The following CSMD1 variants were observed in gnomAD, a reference collection of about 807,000 sequenced individuals.
CSMD1 encodes CUB and Sushi multiple domains 1.
In CSMD1, 213 loss-of-function variants were observed where a neutral mutation model predicts 417.5. The observed-to-expected ratio is 0.51, with a 90% CI of 0.46 to 0.57. The LOEUF (loss-of-function observed/expected upper bound fraction) is 0.57, where lower values mean the gene tolerates loss of function less well. Ranked by LOEUF, CSMD1 falls within the 20% of genes least tolerant of loss-of-function variation. CSMD1 has a pLI of 0.00. For synonymous variants in CSMD1, 2,862 were observed against 1,736.8 expected (o/e 1.65, Z -16.11); for missense variants, 6,923 against 4,529.7 (o/e 1.53, Z -15.17).
intron 5 of CSMD1, among the ~76,000 whole-genome samples, chr8:3,972,107 G>C (rs1008405982): frequency 1.3e-5 from 2 of 152,142 alleles, no homozygotes; most frequent in South Asian, 2.1e-4. Context: ...CTGGGCTCAA[G>C]AGATCCTCCT....
At chr8:3,125,743 G>T (rs1373734981) in intron 41 of CSMD1, among the ~76,000 whole-genome samples, 1 of 152,188 alleles carries the variant, frequency 6.6e-6, no homozygotes, top group Non-Finnish European at 1.5e-5. Flanking sequence ...TTGGGAGGCC[G>T]AGGTGGGCAG....
chr8:4,369,340 T>C (rs773085980), intron 3 of CSMD1, among the ~76,000 whole-genome samples: 1 of 152,172 alleles, frequency 6.6e-6, no homozygotes, highest in African/African-American at 2.4e-5. Context: ...TTAAATTTAT[T>C]GAGACTTGCT....
At chr8:4,082,530 G>T (rs1038400132) in intron 3 of CSMD1, among the ~76,000 whole-genome samples, 4 of 152,084 alleles carry the variant, frequency 2.6e-5, no homozygotes, top group Middle Eastern at 3.4e-3. Context: ...AAAACTAAAA[G>T]GAAACACACA....
At chr8:4,372,748 A>G (rs1802471453) in intron 3 of CSMD1, among the ~76,000 whole-genome samples, 2 of 54,850 alleles carry the variant, frequency 3.6e-5, no homozygotes, top group Non-Finnish European at 3.3e-5. Context: ...AGGCAAAAGA[A>G]AAAAAAAAAG....
intron 10 of CSMD1, among the ~76,000 whole-genome samples, chr8:3,531,273 A>T (rs1368171441): frequency 6.6e-6 from 1 of 152,198 alleles, no homozygotes; most frequent in South Asian, 2.1e-4. Context: ...CACCATGGAT[A>T]TTAATTATTA....
chr8:3,339,171 T>A (rs936054514), intron 23 of CSMD1, among the ~76,000 whole-genome samples: 2 of 152,116 alleles, frequency 1.3e-5, no homozygotes, highest in Non-Finnish European at 2.9e-5. Flanking sequence ...GAACTCATCA[T>A]TTTTTATGGC....
chr8:3,047,332 C>G (rs1423557523), intron 50 of CSMD1, among the ~76,000 whole-genome samples: 2 of 151,946 alleles, frequency 1.3e-5, no homozygotes, highest in South Asian at 2.1e-4. Context: ...TCCCGTGTTC[C>G]TTCATCTACA....
At chr8:4,745,961 G>A (rs561429795) in intron 1 of CSMD1, among the ~76,000 whole-genome samples, 6 of 152,294 alleles carry the variant, frequency 3.9e-5, no homozygotes, top group African/African-American at 7.2e-5. Context: ...TCATCGGTAC[G>A]CTTTGAAGTA....
chr8:3,026,872 C>T (rs1809968377), intron 51 of CSMD1, among the ~76,000 whole-genome samples: 1 of 152,124 alleles, frequency 6.6e-6, no homozygotes, highest in Admixed American at 6.5e-5. Context: ...CTATCCCTTC[C>T]ATAGAGGGTC....
intron 3 of CSMD1, among the ~76,000 whole-genome samples, chr8:4,137,997 C>T (rs1184110626): frequency 4.0e-5 from 6 of 150,036 alleles, no homozygotes; most frequent in Non-Finnish European, 8.9e-5. Context: ...CCCGCCTCAG[C>T]CTCCAGAGTA....
Position 4,179,298 on chromosome 8 carries a change from G to T in CSMD1, c.416-147199C>A, listed in dbSNP as rs1194099371. 2.6e-5 allele frequency among the ~76,000 whole-genome samples: 4 copies of T among 152,182 alleles called. No homozygotes were observed. In the East Asian group the frequency reaches 7.7e-4, roughly 29 times the overall value. ...ACGTATCTACAACTATCTGATCTTTGACAAACCTGACAAAACCAAGCAATG... is the reference window on the plus strand; with the variant it reads ...ACGTATCTACAACTATCTGATCTTTTACAAACCTGACAAAACCAAGCAATG... On this transcript the variant is annotated intron_variant, in intron 3 of 69. Coordinates refer to ENST00000635120, the MANE Select transcript of CSMD1 (RefSeq NM_033225.6).
In CSMD1 at chr8:3,106,623, T is replaced by C. The variant is rs1816167128; in HGVS notation, c.6854A>G (p.Gln2285Arg). ...CACCAAGGTGTACCCGGGGTGGCAC[T>C]GGTACTTCACAAAATCTCCTAGAAG... ...DFEIGDFVKY[Q>R]CHPGYTLVGT... The change falls in exon 46 of 70, where the codon CAG becomes CGG. Residue 2285 changes from glutamine (Q) to arginine (R), a missense_variant. Coordinates refer to ENST00000635120, the MANE Select transcript of CSMD1 (RefSeq NM_033225.6). The C allele has an allele frequency of 6.2e-7, 1 of 1,612,440 alleles. No individual in the cohort carries two copies. The highest frequency in any genetic ancestry group is 8.5e-7 in the Non-Finnish European group (1 of 1,178,926).
intron 3 of CSMD1, among the ~76,000 whole-genome samples, chr8:4,231,458 A>T (rs1801726792): frequency 6.6e-6 from 1 of 152,090 alleles, no homozygotes; most frequent in Non-Finnish European, 1.5e-5. Flanking sequence ...CAGACATTAG[A>T]CAGTGAACTC....
chr8:3,292,314 G>T (rs1472436473), intron 25 of CSMD1, among the ~76,000 whole-genome samples: 3 of 152,136 alleles, frequency 2.0e-5, no homozygotes, highest in Admixed American at 6.6e-5. Flanking sequence ...TTGATTTGGG[G>T]TGGAGAGTTC....
At chr8:4,881,766 T>C (rs1252289130) in intron 1 of CSMD1, among the ~76,000 whole-genome samples, 3 of 152,042 alleles carry the variant, frequency 2.0e-5, no homozygotes, top group Non-Finnish European at 2.9e-5. Context: ...ACTGTTGACA[T>C]TGTACAGCAT....
At chr8:3,266,764 G>T (rs1303146483) in intron 26 of CSMD1, among the ~76,000 whole-genome samples, 2 of 144,160 alleles carry the variant, frequency 1.4e-5, no homozygotes, top group African/African-American at 5.2e-5. Context: ...GAAAGAGTGA[G>T]ACACTGTCTT....
chr8:3,739,867 G>A (rs1796704274), intron 6 of CSMD1, among the ~76,000 whole-genome samples: 1 of 152,160 alleles, frequency 6.6e-6, no homozygotes, highest in Admixed American at 6.6e-5. Flanking sequence ...AAGCAGGGAA[G>A]TTGAAGAATC....
At chr8:3,589,098 T>C (rs1800730309) in intron 8 of CSMD1, among the ~76,000 whole-genome samples, 1 of 152,084 alleles carries the variant, frequency 6.6e-6, no homozygotes, top group African/African-American at 2.4e-5. Context: ...GGTGAGGATG[T>C]GGAGAAAAGG....
At chr8:4,740,855 C>T (rs1371281403) in intron 1 of CSMD1, among the ~76,000 whole-genome samples, 10 of 152,190 alleles carry the variant, frequency 6.6e-5, no homozygotes, top group African/African-American at 1.4e-4. Flanking sequence ...CGAACTTTAA[C>T]GAACTTCTTC....
Sources: allele counts gnomAD v4.1 joint callset (sites outside exome capture counted in the v4.1 genomes callset), GRCh38; gene constraint gnomAD v4.1.1; transcripts MANE v1.5; gene names NCBI Gene and HGNC (gene_info 2026-07-23, HGNC 2026-07-21).